Variants in CCDC66 observed in about 807,000 individuals in gnomAD.
CCDC66 encodes the protein coiled-coil domain containing 66.
A neutral mutation model predicts 128.3 loss-of-function variants in CCDC66; 133 were observed. The ratio of observed to expected loss-of-function variants is 1.04; its 90% CI spans 0.90 to 1.20. The LOEUF (loss-of-function observed/expected upper bound fraction) is 1.20, where lower values mean the gene tolerates loss of function less well. Ranked by LOEUF, CCDC66 falls within the 50% of genes most tolerant of loss-of-function variation. The pLI, the probability that CCDC66 is intolerant of heterozygous loss-of-function variation, is 0.00. For synonymous variants in CCDC66, 387 were observed against 357.0 expected (o/e 1.08, Z -0.95); for missense variants, 1,126 against 1,075.5 (o/e 1.05, Z -0.66).
At chr3:56,559,016 T>A in intron 2 of CCDC66, 106 bp downstream of exon 2, 2 of 814,204 alleles carry the variant, frequency 2.5e-6, no homozygotes, top group South Asian at 3.6e-5. Flanking sequence ...ATTTAAATGA[T>A]ATTTTAGAAA....
At chr3:56,562,659 A>G (rs896389163) in intron 3 of CCDC66, among the ~76,000 whole-genome samples, 1 of 151,974 alleles carries the variant, frequency 6.6e-6, no homozygotes, top group African/African-American at 2.4e-5. Context: ...TGTTTTAGAG[A>G]TGAAGTTTCG....
intron 7 of CCDC66, among the ~76,000 whole-genome samples, chr3:56,577,286 A>T (rs998019519): frequency 2.6e-5 from 4 of 151,714 alleles, no homozygotes; most frequent in African/African-American, 9.6e-5. Context: ...TTTTTCTTAT[A>T]AATTTGTTTA....
intron 11 of CCDC66, 131 bp downstream of exon 11, chr3:56,613,881 G>A (rs1479008591): frequency 1.4e-6 from 1 of 707,912 alleles, no homozygotes; most frequent in East Asian, 2.8e-5. Flanking sequence ...CTGGGCACAA[G>A]TTGTCCTTCC....
At chr3:56,590,881 G>A (rs893167403) in intron 7 of CCDC66, among the ~76,000 whole-genome samples, 1 of 152,176 alleles carries the variant, frequency 6.6e-6, no homozygotes, top group Non-Finnish European at 1.5e-5. Flanking sequence ...GGGAAAAGAG[G>A]CTTCTTTCTT....
chr3:56,559,462 A>G (rs1255819857), intron 2 of CCDC66, 107 bp from the exon 3 acceptor site: 2 of 697,320 alleles, frequency 2.9e-6, no homozygotes, highest in Non-Finnish European at 4.7e-6. Flanking sequence ...TTCGAGGATA[A>G]TGTTGCTAGC....
chr3:56,581,358 C>T (rs1577468513), intron 7 of CCDC66, among the ~76,000 whole-genome samples: 1 of 151,942 alleles, frequency 6.6e-6, no homozygotes, highest in Non-Finnish European at 1.5e-5. Flanking sequence ...GGAACATCCT[C>T]CTTTAGCTTG....
chr3:56,619,087 G>T, intron 15 of CCDC66, 184 bp from the exon 16 acceptor site: 4 of 526,362 alleles, frequency 7.6e-6, no homozygotes, highest in Non-Finnish European at 9.8e-6. Flanking sequence ...GCACTGTGGC[G>T]TGCGCCTGTA....
At chr3:56,619,626 C>T in intron 16 of CCDC66, 99 bp downstream of exon 16, 1 of 1,489,088 alleles carries the variant, frequency 6.7e-7, no homozygotes. Flanking sequence ...GCACTTAGTT[C>T]TATAAAGTTT....
At chr3:56,572,617 C>T (rs1012828398) in intron 7 of CCDC66, 1 of 205,378 alleles carries the variant, frequency 4.9e-6, no homozygotes, top group Non-Finnish European at 9.9e-6. Flanking sequence ...CAAATGTATT[C>T]TGAAAATAAT....
At position 56,563,999 on chromosome 3, in the gene CCDC66, A is replaced by G. The variant is rs373624834; in HGVS notation, c.418A>G (p.Ile140Val). ...TAAACAGAAGCCTCACAAAAAACAC[A>G]TCACAGCTGAAAACATGAAGAGCAG... Reference protein sequence around the residue: ...VGKQKPHKKHITAENMKSSLV... With the variant: ...VGKQKPHKKHVTAENMKSSLV... Residue 140 changes from isoleucine (I) to valine (V), a missense_variant, in exon 4 of 18, where the codon ATC becomes GTC. Ile to Val is a conservative substitution (Grantham distance 29, BLOSUM62 3). Coordinates refer to ENST00000394672, the MANE Select transcript of CCDC66 (RefSeq NM_001141947.3). The G allele has an allele frequency of 1.9e-6, 3 of 1,613,926 alleles. No homozygotes were observed. The African/African-American group carries it at 4.0e-5, about 22-fold the overall frequency.
rs192337488 is a variant in CCDC66, at chr3:56,594,155, C to T, written c.1404+127C>T. On this transcript the variant is annotated intron_variant, in intron 10 of 17. Coordinates refer to ENST00000394672, the MANE Select transcript of CCDC66 (RefSeq NM_001141947.3). ...GCATAGGTCCTGTCCAGTTGTGTCA[C>T]GAATCCAATCCCTACCACAACTGGC... is the stretch of plus-strand genomic sequence containing the variant. 8.6e-5 allele frequency: 68 copies of T among 794,898 alleles called. No individual in the cohort carries two copies. In the East Asian group the frequency reaches 1.2e-3, roughly 14 times the overall value. 49.2% of individuals were successfully genotyped at this position (794,898 alleles called of 1,614,324 possible). A position where few individuals can be genotyped will look rare whatever the true frequency, so the allele number is the denominator to read the frequency against.
chr3:56,619,381 G>C lies in CCDC66; in HGVS notation c.2489G>C (p.Gly830Ala). 1 of 1,613,780 alleles carries C rather than the reference G, an allele frequency of 6.2e-7. No homozygotes were observed. Among genetic ancestry groups the C allele is most frequent in the Non-Finnish European group, 8.5e-7 (1 of 1,179,848 alleles). Reference protein sequence around the residue: ...SSYERENLISGSNQTELSSGI... With the variant: ...SSYERENLISASNQTELSSGI... ...TATGAGAGAGAGAATTTGATCTCAGGAAGTAATCAAACAGAATTATCATCT... is the reference window on the plus strand; with the variant it reads ...TATGAGAGAGAGAATTTGATCTCAGCAAGTAATCAAACAGAATTATCATCT... Residue 830 changes from glycine to alanine, a missense_variant, in exon 16 of 18, where the codon GGA becomes GCA. Physicochemically the swap from Gly to Ala is moderately conservative, Grantham distance 60 (BLOSUM62 0). Coordinates refer to ENST00000394672, the MANE Select transcript of CCDC66 (RefSeq NM_001141947.3).
chr3:56,621,494 C>A, intron 17 of CCDC66, 38 bp from the exon 18 acceptor site: 1 of 1,279,254 alleles, frequency 7.8e-7, no homozygotes, highest in Non-Finnish European at 1.1e-6. Flanking sequence ...GTCAGGTGTG[C>A]ACATTTTACT....
At chr3:56,576,696 G>A (rs1191001604) in intron 7 of CCDC66, among the ~76,000 whole-genome samples, 1 of 151,232 alleles carries the variant, frequency 6.6e-6, no homozygotes, top group Non-Finnish European at 1.5e-5. Context: ...TTAGAATGAT[G>A]GTTTCCAGCT....
chr3:56,597,155 G>A (rs962797010), intron 10 of CCDC66, among the ~76,000 whole-genome samples: 5 of 151,962 alleles, frequency 3.3e-5, no homozygotes, highest in Admixed American at 6.6e-5. Context: ...ATTGAAGAGT[G>A]TGTGCTTTCC....
chr3:56,619,111 G>A (rs1210657897), intron 15 of CCDC66, 160 bp from the exon 16 acceptor site: 6 of 574,502 alleles, frequency 1.0e-5, no homozygotes, highest in Non-Finnish European at 1.8e-5. Flanking sequence ...CCAGCTACTT[G>A]GGAGGCTGAA....
At position 56,619,799 on chromosome 3, in the gene CCDC66, A is replaced by G. The variant is rs772418111; in HGVS notation, c.2658A>G (p.Leu886=). The G allele has an allele frequency of 6.8e-6, 11 of 1,613,878 alleles. No individual in the cohort carries two copies. Among genetic ancestry groups the G allele is most frequent in the African/African-American group, 1.3e-5 (1 of 74,932 alleles). ...TAGACTGTGGCCAAAAACGACAGCT[A>G]TTTGATTCTGACTGTGTCAGGGATC... ...NSQDCGQKRQ[L]FDSDCVRDPL... Residue 886 remains leucine (L), a synonymous_variant, in exon 17 of 18, where the codon CTA becomes CTG. Transcript: ENST00000394672.
intron 6 of CCDC66, chr3:56,569,183 A>G (rs952989327): frequency 6.1e-6 from 1 of 164,426 alleles, no homozygotes; most frequent in Non-Finnish European, 1.4e-5. Context: ...CTCTACAAAA[A>G]AACAGAGAGA....
intron 7 of CCDC66, among the ~76,000 whole-genome samples, chr3:56,588,566 C>T (rs1376402327): frequency 2.0e-5 from 3 of 152,186 alleles, no homozygotes; most frequent in South Asian, 2.1e-4. Context: ...GAGAACTTAT[C>T]GCAATGATAG....
Sources: gnomAD v4.1 joint callset for allele counts (sites outside exome capture counted in the v4.1 genomes callset) on GRCh38, gnomAD v4.1.1 for gene constraint, MANE v1.5 for transcripts, NCBI Gene and HGNC (gene_info 2026-07-23, HGNC 2026-07-21) for gene names.